The following DNAH6 variants were observed in gnomAD, a reference collection of about 807,000 sequenced individuals.
The protein encoded by DNAH6 is dynein axonemal heavy chain 6, also known as axonemal beta dynein heavy chain 6.
DNAH6 carries 340 observed loss-of-function variants against 491.4 expected under a neutral mutation model. That is an observed-to-expected ratio of 0.69 (90% CI 0.63 to 0.76). The LOEUF (loss-of-function observed/expected upper bound fraction) is 0.76, where lower values mean the gene tolerates loss of function less well. Among genes scored for constraint, DNAH6 ranks in the 30% least tolerant of loss-of-function variants. DNAH6 has a pLI of 0.00. For synonymous variants in DNAH6, 1,603 were observed against 1,686.1 expected, an observed-to-expected ratio of 0.95 and a Z score of 1.21; for missense variants, 4,443 against 4,972.2, an observed-to-expected ratio of 0.89 and a Z score of 3.20.
chr2:84,624,202 A>G, intron 26 of DNAH6, 63 bp from the exon 27 acceptor site: 1 of 1,392,686 alleles, frequency 7.2e-7, no homozygotes, highest in Non-Finnish European at 9.6e-7. Flanking sequence ...ATGGTGAAAG[A>G]GATAATGTAT....
At chr2:84,602,792 G>A (rs114685889) in intron 18 of DNAH6, among the ~76,000 whole-genome samples, 1,233 of 112,638 alleles carry the variant, frequency 0.011, 12 homozygotes, top group African/African-American at 0.037. Flanking sequence ...GGTCTTGGAT[G>A]CTCTGTTTTT....
At chr2:84,807,611 T>C (rs567576580) in intron 71 of DNAH6, among the ~76,000 whole-genome samples, 5 of 152,276 alleles carry the variant, frequency 3.3e-5, no homozygotes, top group Non-Finnish European at 7.4e-5. Flanking sequence ...AACGCTTGTA[T>C]GGTAGAGGGG....
At chr2:84,532,761 T>C (rs1422681851) in intron 4 of DNAH6, among the ~76,000 whole-genome samples, 1 of 152,146 alleles carries the variant, frequency 6.6e-6, no homozygotes, top group Non-Finnish European at 1.5e-5. Flanking sequence ...ATGGAAATCA[T>C]TTAAAGTTGC....
chr2:84,697,575 A>G lies in DNAH6; in HGVS notation c.7525A>G (p.Ile2509Val). The change falls in exon 47 of 77, where the codon ATT becomes GTT. Residue 2509 changes from isoleucine (I) to valine (V), a missense_variant and splice_region_variant. This residue lies in a region of DNAH6 where 2,977 missense variants were observed against 3,296.6 expected (regional missense o/e 0.90). Coordinates refer to ENST00000389394, the MANE Select transcript of DNAH6 (RefSeq NM_001370.2). ...TAATGATCACTGCTTTCTTCTACAG[A>G]TTGTAGTGGAGGAGTTCCTAGAAGA... ...NMVFLFTDTQ[I>V]VVEEFLEDIN... The G allele has an allele frequency of 6.4e-7, 1 of 1,550,684 alleles. No homozygotes were observed. Among genetic ancestry groups the G allele is most frequent in the Non-Finnish European group, 8.7e-7 (1 of 1,146,488 alleles).
chr2:84,641,559 A>G (rs1689402703), intron 32 of DNAH6, among the ~76,000 whole-genome samples: 1 of 152,194 alleles, frequency 6.6e-6, no homozygotes, highest in African/African-American at 2.4e-5. Flanking sequence ...GGAGCTTTCT[A>G]GAAAAGGGAG....
At chr2:84,540,551 G>A (rs1190680814) in intron 4 of DNAH6, among the ~76,000 whole-genome samples, 1 of 152,048 alleles carries the variant, frequency 6.6e-6, no homozygotes, top group Non-Finnish European at 1.5e-5. Context: ...ATTTCAGGAG[G>A]AGAAAAAATT....
the DNAH6 span, among the ~76,000 whole-genome samples, chr2:84,508,256 G>T: frequency 2.0e-5 from 3 of 152,202 alleles, no homozygotes; most frequent in African/African-American, 7.2e-5. Context: ...CCTGTTATTG[G>T]TCTATTCAGA....
At chr2:84,666,759 A>G (rs759661788) in intron 37 of DNAH6, among the ~76,000 whole-genome samples, 29 of 152,362 alleles carry the variant, frequency 1.9e-4, no homozygotes, top group Non-Finnish European at 3.4e-4. Context: ...TTTAAAGTTC[A>G]TATGGAACCA....
chr2:84,609,694 T>G (rs1686141821), intron 21 of DNAH6, among the ~76,000 whole-genome samples: 1 of 138,284 alleles, frequency 7.2e-6, no homozygotes, highest in Admixed American at 7.3e-5. Flanking sequence ...TAATAATGTT[T>G]AATAATAATA....
chr2:84,503,434 C>T, the DNAH6 span, among the ~76,000 whole-genome samples: 2 of 152,102 alleles, frequency 1.3e-5, no homozygotes, highest in African/African-American at 4.8e-5. Flanking sequence ...GAGTCATTTA[C>T]ACACCACAGT....
chr2:84,615,711 C>T (rs896081393), intron 22 of DNAH6, among the ~76,000 whole-genome samples: 7 of 151,966 alleles, frequency 4.6e-5, no homozygotes, highest in Non-Finnish European at 8.8e-5. Context: ...TGATTTCTTT[C>T]AGCAGTGTTT....
At chr2:84,537,403 G>C (rs1178818724) in intron 4 of DNAH6, among the ~76,000 whole-genome samples, 1 of 151,930 alleles carries the variant, frequency 6.6e-6, no homozygotes, top group Non-Finnish European at 1.5e-5. Context: ...TGAGTAATAA[G>C]GCTTTTAGGC....
chr2:84,549,871 G>GT lies in DNAH6; in HGVS notation c.1317-10dup, dbSNP rs574693833. ...AATATAAGAAACCGAAATTGTATTA[G>GT]TTTTTTTTCTTTTCAAGCTTTATTC... is the stretch of plus-strand genomic sequence containing the variant. On this transcript the variant is annotated splice_polypyrimidine_tract_variant and intron_variant, in intron 8 of 76. Coordinates refer to ENST00000389394, the MANE Select transcript of DNAH6 (RefSeq NM_001370.2). 70 of 1,570,948 alleles carry GT rather than the reference G, an allele frequency of 4.5e-5. No homozygotes were observed. Among genetic ancestry groups the GT allele is most frequent in the South Asian group, 9.4e-5 (8 of 84,996 alleles).
At chr2:84,675,728 G>A (rs1693177892) in intron 40 of DNAH6, among the ~76,000 whole-genome samples, 5 of 152,142 alleles carry the variant, frequency 3.3e-5, no homozygotes, top group Admixed American at 3.3e-4. Flanking sequence ...GCACAATAGA[G>A]GCTCACTACA....
At chr2:84,567,117 C>A (rs1001592494) in intron 11 of DNAH6, among the ~76,000 whole-genome samples, 24 of 152,054 alleles carry the variant, frequency 1.6e-4, no homozygotes, top group African/African-American at 5.5e-4. Context: ...TTTGATTATA[C>A]AACAAATAAA....
At chr2:84,817,783 CTGG>C (rs1680632895) in intron 76 of DNAH6, among the ~76,000 whole-genome samples, 1 of 152,142 alleles carries the variant, frequency 6.6e-6, no homozygotes, top group African/African-American at 2.4e-5. Flanking sequence ...CAAAAGGGAG[CTGG>C]TGTTTAGAGG....
intron 14 of DNAH6, 29 bp from the exon 15 acceptor site, chr2:84,583,969 AT>A: frequency 6.2e-7 from 1 of 1,608,570 alleles, no homozygotes; most frequent in Non-Finnish European, 8.5e-7. Flanking sequence ...ATTCTGCTAC[AT>A]TTAATGAGCA....
chr2:84,753,827 ATT>A (rs373380346), intron 63 of DNAH6, among the ~76,000 whole-genome samples: 9 of 131,122 alleles, frequency 6.9e-5, no homozygotes, highest in Admixed American at 1.6e-4. Context: ...TTTTGAGTTA[ATT>A]TTTTTTTTTT....
intron 4 of DNAH6, among the ~76,000 whole-genome samples, chr2:84,542,960 A>C (rs916815436): frequency 6.6e-6 from 1 of 152,176 alleles, no homozygotes; most frequent in African/African-American, 2.4e-5. Context: ...GCAGTTCGAG[A>C]CCAGCCTGGT....
Sources: gnomAD v4.1 joint callset for allele counts (sites outside exome capture counted in the v4.1 genomes callset) on GRCh38, gnomAD v4.1.1 for gene constraint, gnomAD v4.1.1 regional missense constraint, MANE v1.5 for transcripts, NCBI Gene and HGNC (gene_info 2026-07-23, HGNC 2026-07-21) for gene names.